NBEAL1: variants seen among roughly 807,000 people sequenced by gnomAD.
NBEAL1 encodes neurobeachin-like protein 1.
Under a neutral mutation model 351.3 loss-of-function variants are expected in NBEAL1, and 273 were observed. The ratio of observed to expected loss-of-function variants is 0.78; its 90% CI spans 0.70 to 0.86. The LOEUF is 0.86. Ranked by LOEUF, NBEAL1 falls within the 40% of genes least tolerant of loss-of-function variation. The pLI is 0.00. For missense variants in NBEAL1, 2,961 were observed against 3,201.3 expected (o/e 0.92, Z 1.81); for synonymous variants, 1,050 against 1,086.4 (o/e 0.97, Z 0.66).
In NBEAL1 at chr2:203,138,767, A is replaced by G. The variant is rs201916363; in HGVS notation, c.4848+19A>G. The G allele has an allele frequency of 1.2e-4, 192 of 1,598,168 alleles. No homozygotes were observed. The highest frequency in any genetic ancestry group is 3.6e-5 in the Admixed American group (2 of 55,688). ...TTTGCAGGTTTGTCCATTCTTTTAT[A>G]TTATTTTCTGTGCTTGCATGCAGCA... On this transcript the variant is annotated intron_variant, in intron 31 of 55. Transcript: ENST00000683969.
chr2:203,077,713 C>G, intron 7 of NBEAL1, 39 bp from the exon 8 acceptor site: 1 of 1,146,642 alleles, frequency 8.7e-7, no homozygotes, highest in Admixed American at 3.2e-5. Flanking sequence ...CTGTGAAAGA[C>G]AAATCTTATT....
chr2:203,107,661 A>G lies in NBEAL1; in HGVS notation c.1422A>G (p.Gln474=), dbSNP rs914285463. ...GGATTTTGGGCATTAGTAATGTCCA[A>G]CCTCTCTTGCTTCTTATCCAGTGGC... ...SVGILGISNV[Q]PLLLLIQWLP... The change falls in exon 14 of 56, where the codon CAA becomes CAG. Residue 474 remains glutamine, a synonymous_variant. Transcript: ENST00000683969. 9.0e-6 allele frequency: 14 copies of G among 1,552,632 alleles called. No individual in the cohort carries two copies. The highest frequency in any genetic ancestry group is 3.9e-5 in the Admixed American group (2 of 50,978).
intron 26 of NBEAL1, 84 bp from the exon 27 acceptor site, chr2:203,132,974 A>C: frequency 1.6e-6 from 1 of 638,266 alleles, no homozygotes; most frequent in Non-Finnish European, 2.7e-6. Context: ...TAATTATTTC[A>C]GCATTTTATA....
At chr2:203,112,889 T>C (rs1374062495) in intron 16 of NBEAL1, 126 bp from the exon 17 acceptor site, 4 of 978,798 alleles carry the variant, frequency 4.1e-6, no homozygotes, top group Non-Finnish European at 4.2e-6. Flanking sequence ...AAAATAAAAC[T>C]GCTTCCACTT....
At chr2:203,174,846 G>A (rs1025232698) in intron 41 of NBEAL1, among the ~76,000 whole-genome samples, 6 of 148,742 alleles carry the variant, frequency 4.0e-5, no homozygotes, top group East Asian at 2.0e-4. Context: ...AGCCGAGAGC[G>A]AGACTCTGTC....
intron 6 of NBEAL1, among the ~76,000 whole-genome samples, chr2:203,058,988 C>T (rs1281650367): frequency 6.6e-6 from 1 of 152,156 alleles, no homozygotes; most frequent in Non-Finnish European, 1.5e-5. Flanking sequence ...CCTAAATCTC[C>T]TCAAGATTTT....
chr2:203,144,432 A>C (rs993238455), intron 31 of NBEAL1, among the ~76,000 whole-genome samples, 168 bp from the exon 32 acceptor site: 7 of 152,102 alleles, frequency 4.6e-5, no homozygotes, highest in African/African-American at 1.7e-4. Flanking sequence ...ATACCTGTGA[A>C]ACTGTAGCAG....
At position 203,130,375 on chromosome 2, in the gene NBEAL1, C is replaced by A; in HGVS notation, c.3463C>A (p.Gln1155Lys). Reference sequence around the variant, plus strand: ...CCTACGTACCAGCCCAACCAGAGGTCAGCTTTTCTTACTGCTTTTTGAACC... The same window carrying A: ...CCTACGTACCAGCCCAACCAGAGGTAAGCTTTTCTTACTGCTTTTTGAACC... ...SLLRTSPTRGQLFLLLFEPGN... is the reference protein window; with the variant it reads ...SLLRTSPTRGKLFLLLFEPGN... The change falls in exon 25 of 56, where the codon CAG (glutamine) becomes AAG (lysine). Residue 1155 changes from glutamine (Q) to lysine (K), a missense_variant. Transcript: ENST00000683969. 6.5e-7 allele frequency: 1 copy of A among 1,533,328 alleles called. No homozygotes were observed. Among genetic ancestry groups the A allele is most frequent in the Non-Finnish European group, 8.8e-7 (1 of 1,140,526 alleles). The allele number at this position is 1,533,328 out of a possible 1,614,324, so 95.0% of individuals were successfully genotyped here.
intron 46 of NBEAL1, chr2:203,190,771 G>A (rs1159348137): frequency 2.5e-5 from 40 of 1,610,016 alleles, no homozygotes; most frequent in African/African-American, 2.1e-4. Flanking sequence ...AACACCAGCC[G>A]CCTCCACCAT....
chr2:203,213,393 G>A (rs1254836151), intron 54 of NBEAL1, 125 bp from the exon 55 acceptor site: 1 of 841,314 alleles, frequency 1.2e-6, no homozygotes, highest in African/African-American at 1.7e-5. Flanking sequence ...CTGGACACAA[G>A]TTCCCACATC....
chr2:203,015,278 T>G (rs2105979061), intron 1 of NBEAL1, among the ~76,000 whole-genome samples: 1 of 152,298 alleles, frequency 6.6e-6, no homozygotes, highest in South Asian at 2.1e-4. Flanking sequence ...CCCAAACACT[T>G]GGATGCTTCT....
intron 28 of NBEAL1, 70 bp downstream of exon 28, chr2:203,136,322 A>G: frequency 1.8e-6 from 2 of 1,098,950 alleles, no homozygotes; most frequent in Non-Finnish European, 2.6e-6. Context: ...ATCCTTAGAA[A>G]TATGTGAGCA....
chr2:203,026,856 A>G (rs953099297), intron 2 of NBEAL1, among the ~76,000 whole-genome samples: 9 of 152,190 alleles, frequency 5.9e-5, no homozygotes, highest in African/African-American at 1.9e-4. Flanking sequence ...CATTTTAAGT[A>G]GGTTCATTTG....
intron 10 of NBEAL1, chr2:203,085,693 C>A (rs555212330): frequency 6.6e-6 from 1 of 152,158 alleles, no homozygotes; most frequent in South Asian, 2.1e-4. Context: ...TGATTTGGTG[C>A]CCTTTCAGGG....
chr2:203,054,785 A>T (rs1475267315), intron 4 of NBEAL1, among the ~76,000 whole-genome samples: 1 of 152,212 alleles, frequency 6.6e-6, no homozygotes, highest in Non-Finnish European at 1.5e-5. Flanking sequence ...GAAAAGTAGG[A>T]TCCCTCTAAT....
chr2:203,070,136 G>A (rs1391196201), intron 7 of NBEAL1, among the ~76,000 whole-genome samples: 1 of 151,838 alleles, frequency 6.6e-6, no homozygotes, highest in Non-Finnish European at 1.5e-5. Context: ...TTATTAAGTA[G>A]AGGAAGTCTT....
In NBEAL1 at chr2:203,211,217, TAA is replaced by T. The variant is rs1278853866; in HGVS notation, c.7934+114_7934+115del. ...TAATCTTTTGGTTTATCATTGATTA[TAA>T]AAGTTTCTCTTTTAGCAAGTATAAA... On this transcript the variant is annotated intron_variant, in intron 54 of 55. Coordinates refer to ENST00000683969, the MANE Select transcript of NBEAL1 (RefSeq NM_001378026.1). 3 of 765,150 alleles carry T rather than the reference TAA, an allele frequency of 3.9e-6. No individual in the cohort carries two copies. In the African/African-American group the frequency reaches 5.4e-5, roughly 14 times the overall value. The allele number at this position is 765,150 out of a possible 1,614,324, so 47.4% of individuals were successfully genotyped here. A position where few individuals can be genotyped will look rare whatever the true frequency, so the allele number is the denominator to read the frequency against.
chr2:203,199,024 C>CA (rs1023448865), intron 48 of NBEAL1, among the ~76,000 whole-genome samples: 1 of 151,662 alleles, frequency 6.6e-6, no homozygotes, highest in Non-Finnish European at 1.5e-5. Context: ...CATGTCTCTA[C>CA]AAAAAATACA....
At chr2:203,103,974 G>T (rs1420681543) in intron 12 of NBEAL1, among the ~76,000 whole-genome samples, 1 of 152,140 alleles carries the variant, frequency 6.6e-6, no homozygotes, top group Admixed American at 6.6e-5. Context: ...AGTGTAGTTG[G>T]TATGATTTTG....
Sources: allele counts gnomAD v4.1 joint callset (sites outside exome capture counted in the v4.1 genomes callset), GRCh38; gene constraint gnomAD v4.1.1; transcripts MANE v1.5; gene names NCBI Gene and HGNC (gene_info 2026-07-23, HGNC 2026-07-21).